Variants in SYNE1 observed in about 807,000 individuals in gnomAD.
SYNE1 encodes the protein nesprin-1.
In SYNE1, 616 loss-of-function variants were observed where a neutral mutation model predicts 1,111.0. That is an observed-to-expected ratio of 0.55 (90% CI 0.52 to 0.59). The LOEUF (loss-of-function observed/expected upper bound fraction) is 0.59. Among genes scored for constraint, SYNE1 ranks in the 20% least tolerant of loss-of-function variants. The pLI, the probability that SYNE1 is intolerant of heterozygous loss-of-function variation, is 0.00. For missense variants in SYNE1, 10,006 were observed against 10,417.0 expected (o/e 0.96, Z 1.72); for synonymous variants, 3,855 against 3,825.8 (o/e 1.01, Z -0.28).
chr6:152,233,007 G>T (rs547062881), intron 112 of SYNE1, among the ~76,000 whole-genome samples: 2 of 152,344 alleles, frequency 1.3e-5, no homozygotes, highest in East Asian at 3.9e-4. Flanking sequence ...ACACAGTGAT[G>T]AGTGTCAAAG....
At chr6:152,629,963 A>G (rs2099695094) in intron 2 of SYNE1, among the ~76,000 whole-genome samples, 2 of 152,158 alleles carry the variant, frequency 1.3e-5, no homozygotes, top group Admixed American at 6.5e-5. Flanking sequence ...TATAACTTGG[A>G]TTATAGTCCA....
intron 93 of SYNE1, among the ~76,000 whole-genome samples, chr6:152,299,754 C>T (rs1260770204): frequency 6.6e-6 from 1 of 151,718 alleles, no homozygotes; most frequent in Non-Finnish European, 1.5e-5. Context: ...AATGCTTCTG[C>T]TTTAAAATAA....
At chr6:152,490,997 T>A (rs1347308242) in intron 11 of SYNE1, among the ~76,000 whole-genome samples, 2 of 152,236 alleles carry the variant, frequency 1.3e-5, no homozygotes, top group East Asian at 3.9e-4. Context: ...ACACATTTTA[T>A]CTGTGGACAC....
chr6:152,392,050 C>T (rs961751214), intron 51 of SYNE1, among the ~76,000 whole-genome samples: 3 of 152,060 alleles, frequency 2.0e-5, no homozygotes, highest in Admixed American at 1.3e-4. Flanking sequence ...GTTCAAAGCT[C>T]GGCGCAGGCA....
rs545431852 is a variant in SYNE1 at position 152,585,411 on chromosome 6, T to C, written c.67+42854A>G. ...CAAATAGATCCGTGGGATAAAATCA[T>C]AGAAACAAAATTACTGACTCAATGT... On this transcript the variant is annotated intron_variant, in intron 3 of 145. Coordinates refer to ENST00000367255, the MANE Select transcript of SYNE1 (RefSeq NM_182961.4). Among the ~76,000 whole-genome samples the C allele has an allele frequency of 3.9e-5, 6 of 152,360 alleles. No individual in the cohort carries two copies. In the South Asian group the frequency reaches 1.0e-3, roughly 26 times the overall value.
chr6:152,498,045 A>G (rs2099009292), intron 11 of SYNE1, among the ~76,000 whole-genome samples: 2 of 152,218 alleles, frequency 1.3e-5, no homozygotes, highest in African/African-American at 4.8e-5. Context: ...ATGGAGCATG[A>G]TATTTAAAAA....
intron 112 of SYNE1, among the ~76,000 whole-genome samples, chr6:152,233,237 C>T (rs753175786): frequency 6.6e-6 from 1 of 152,136 alleles, no homozygotes; most frequent in Non-Finnish European, 1.5e-5. Context: ...CAAAGCCAGA[C>T]AAACATTCCA....
intron 48 of SYNE1, among the ~76,000 whole-genome samples, chr6:152,399,090 T>C (rs1200240240): frequency 6.6e-6 from 1 of 152,218 alleles, no homozygotes; most frequent in African/African-American, 2.4e-5. Flanking sequence ...TAAAGCCATT[T>C]TGATGGCACA....
intron 59 of SYNE1, among the ~76,000 whole-genome samples, chr6:152,370,220 C>T (rs755158897): frequency 3.3e-5 from 5 of 152,100 alleles, no homozygotes; most frequent in African/African-American, 1.2e-4. Flanking sequence ...TGCCTATATA[C>T]TTCATCATAG....
chr6:152,255,664 T>C lies in SYNE1; in HGVS notation c.19187A>G (p.Asp6396Gly). 1.2e-6 allele frequency: 2 copies of C among 1,614,234 alleles called. No individual in the cohort carries two copies. The highest frequency in any genetic ancestry group is 1.7e-6 in the Non-Finnish European group (2 of 1,180,034). ...GGCAACAAATAAACGTTCTTCAACG[T>C]CATCCAACCAAGTAGAGGTGGCTGA... is the stretch of plus-strand genomic sequence containing the variant. ...GVSATSTWLDDVEERLFVATA... is the reference protein window; with the variant it reads ...GVSATSTWLDGVEERLFVATA... Residue 6396 changes from aspartate (D) to glycine (G), a missense_variant, in exon 103 of 146, where the codon GAC (aspartate) becomes GGC (glycine). Physicochemically the swap from Asp to Gly is moderately conservative, Grantham distance 94. Around this residue, in one of 7 missense-constraint regions of SYNE1, gnomAD observed 2,182 missense variants for 2,287.8 expected, o/e 0.95. Transcript: ENST00000367255.
intron 11 of SYNE1, among the ~76,000 whole-genome samples, chr6:152,489,054 T>C (rs974886800): frequency 3.3e-5 from 5 of 152,174 alleles, no homozygotes; most frequent in African/African-American, 4.8e-5. Flanking sequence ...ATAATACCTA[T>C]TAGAGATTTA....
At chr6:152,237,872 TGTGGGTCAGCA>T (rs1290857382) in intron 108 of SYNE1, among the ~76,000 whole-genome samples, 2 of 152,186 alleles carry the variant, frequency 1.3e-5, no homozygotes, top group East Asian at 3.9e-4. Flanking sequence ...TAATTTACGC[TGTGGGTCAGCA>T]GTTTCTCAGT....
chr6:152,465,908 T>C, intron 17 of SYNE1, 74 bp downstream of exon 17: 4 of 1,081,700 alleles, frequency 3.7e-6, no homozygotes, highest in Non-Finnish European at 5.7e-6. Context: ...AAGAATGATC[T>C]GATCAGATAG....
chr6:152,263,099 A>G (rs1290711258), intron 100 of SYNE1, among the ~76,000 whole-genome samples: 5 of 148,460 alleles, frequency 3.4e-5, no homozygotes, highest in African/African-American at 1.0e-4. Flanking sequence ...GGACACGGAA[A>G]GATAGTACAG....
intron 3 of SYNE1, among the ~76,000 whole-genome samples, chr6:152,574,296 A>AATATATATAAATATATATATATATTAT (rs547158587): frequency 2.3e-3 from 344 of 151,556 alleles, no homozygotes; most frequent in African/African-American, 7.6e-3. Context: ...AAATATATAT[A>AATATATATAAATATATATATATATTAT]ATATATATTT....
chr6:152,358,230 T>G, intron 66 of SYNE1, 143 bp downstream of exon 66: 2 of 1,163,570 alleles, frequency 1.7e-6, no homozygotes, highest in South Asian at 2.5e-5. Flanking sequence ...CAGAATGTTC[T>G]TGATCAAACC....
At chr6:152,248,905 T>G (rs576756384) in intron 105 of SYNE1, among the ~76,000 whole-genome samples, 5 of 152,216 alleles carry the variant, frequency 3.3e-5, no homozygotes, top group Non-Finnish European at 7.3e-5. Flanking sequence ...ATCTCATCAT[T>G]GGGCAGAAAA....
chr6:152,232,019 C>T (rs1318963632), intron 113 of SYNE1, 97 bp downstream of exon 113: 2 of 916,978 alleles, frequency 2.2e-6, no homozygotes, highest in South Asian at 1.5e-5. Context: ...AGGAAACATA[C>T]ATTCCAAGAC....
rs757354550 is a variant in SYNE1, at chr6:152,231,403, T to C, written c.21027A>G (p.Leu7009=). Residue 7009 remains leucine, a synonymous_variant, in exon 114 of 146, where the codon CTA becomes CTG. Transcript: ENST00000367255. ...GCCACTGGCTTACCTTCTCAGTTAC[T>C]AGACCTTGCAGAATTTGCCAACTTT... ...MNKSWQILQG[L]VTEKIQLLEG... The C allele has an allele frequency of 6.2e-7, 1 of 1,614,170 alleles. No homozygotes were observed. Among genetic ancestry groups the C allele is most frequent in the Middle Eastern group, 1.6e-4 (1 of 6,062 alleles).
Sources: gnomAD v4.1 joint callset for allele counts (sites outside exome capture counted in the v4.1 genomes callset) on GRCh38, gnomAD v4.1.1 for gene constraint, gnomAD v4.1.1 regional missense constraint, MANE v1.5 for transcripts, NCBI Gene and HGNC (gene_info 2026-07-23, HGNC 2026-07-21) for gene names.